ADD3: variants seen among roughly 807,000 people sequenced by gnomAD.
The protein encoded by ADD3 is gamma-adducin.
In ADD3, 25 loss-of-function variants were observed where a neutral mutation model predicts 80.2. That is an observed-to-expected ratio of 0.31 (90% confidence interval 0.23 to 0.44). The LOEUF is 0.44. Ranked by LOEUF, ADD3 falls within the 20% of genes least tolerant of loss-of-function variation. The pLI is 1.00. For missense variants in ADD3, 829 were observed against 847.5 expected (o/e 0.98, Z 0.27); for synonymous variants, 284 against 289.6 (o/e 0.98, Z 0.20).
intron 11 of ADD3, 145 bp downstream of exon 11, chr10:110,126,090 T>C (rs2134188861): frequency 2.5e-6 from 2 of 816,162 alleles, no homozygotes; most frequent in Non-Finnish European, 3.7e-6. Context: ...TTAGCTTATA[T>C]TGAATGCCTC....
chr10:110,034,929 G>C (rs745901832), intron 1 of ADD3, among the ~76,000 whole-genome samples: 1 of 152,154 alleles, frequency 6.6e-6, no homozygotes, highest in African/African-American at 2.4e-5. Context: ...AGATTAACCA[G>C]CCATGTTTCA....
intron 1 of ADD3, among the ~76,000 whole-genome samples, chr10:110,037,465 CGTG>C (rs1316261524): frequency 4.6e-5 from 7 of 151,794 alleles, no homozygotes; most frequent in African/African-American, 1.7e-4. Context: ...ACTAGCCAGG[CGTG>C]GTGGTGGGCA....
At chr10:110,013,128 AG>A (rs1852525546) in intron 1 of ADD3, among the ~76,000 whole-genome samples, 1 of 151,924 alleles carries the variant, frequency 6.6e-6, no homozygotes, top group Non-Finnish European at 1.5e-5. Flanking sequence ...TTTGAGATGG[AG>A]TCTCTCTCTG....
intron 13 of ADD3, 109 bp from the exon 14 acceptor site, chr10:110,132,196 T>TAG: frequency 1.4e-6 from 1 of 691,500 alleles, no homozygotes. Context: ...TGCTGAAGAA[T>TAG]TTATCATCTC....
intron 1 of ADD3, among the ~76,000 whole-genome samples, chr10:110,077,657 C>G (rs754813132): frequency 6.6e-6 from 1 of 152,130 alleles, no homozygotes; most frequent in South Asian, 2.1e-4. Flanking sequence ...AAGTTCTGTT[C>G]CATGCCTCAT....
rs182770037 is a variant in ADD3, at chr10:110,060,085, A to G, written c.-29-40540A>G. Among the ~76,000 whole-genome samples the G allele has an allele frequency of 1.2e-3, 183 of 152,288 alleles. 2 individuals carry two copies. In the South Asian group the frequency reaches 0.018, roughly 15 times the overall value. On this transcript the variant is annotated intron_variant, in intron 1 of 14. Transcript: ENST00000356080. ...ATAGAGTTGAGGCTTGGGAACATTT[A>G]TGTTTTTTAGACTGCGACTTCCTGT...
intron 1 of ADD3, among the ~76,000 whole-genome samples, chr10:110,083,341 C>T (rs1846302748): frequency 6.6e-6 from 1 of 151,932 alleles, no homozygotes; most frequent in Non-Finnish European, 1.5e-5. Context: ...ACGGTGAAAC[C>T]CCGTCTCTAC....
At chr10:110,091,270 A>AT (rs1847469183) in intron 1 of ADD3, among the ~76,000 whole-genome samples, 1 of 152,126 alleles carries the variant, frequency 6.6e-6, no homozygotes, top group African/African-American at 2.4e-5. Context: ...GCCATCTCAT[A>AT]TTTTTTGGCT....
chr10:110,064,574 A>T (rs1843675162), intron 1 of ADD3, among the ~76,000 whole-genome samples: 1 of 152,154 alleles, frequency 6.6e-6, no homozygotes, highest in South Asian at 2.1e-4. Context: ...CTAATAGAAA[A>T]ATTGGGTTAT....
In ADD3 at chr10:110,029,700, G is replaced by C. The variant is rs1854760481; in HGVS notation, c.-30+21401G>C. Among the ~76,000 whole-genome samples, 3 of 152,130 alleles carry C rather than the reference G, an allele frequency of 2.0e-5. No homozygotes were observed. In the South Asian group the frequency reaches 6.2e-4, roughly 31 times the overall value. ...GTTTTCTTGCCAGTAGCATCTGGTT[G>C]CACTTTATTTACTTTGAAAGTATTT... On this transcript the variant is annotated intron_variant, in intron 1 of 14. Coordinates refer to ENST00000356080, the MANE Select transcript of ADD3 (RefSeq NM_016824.5).
At chr10:110,019,175 T>TA (rs1253286581) in intron 1 of ADD3, among the ~76,000 whole-genome samples, 2 of 152,168 alleles carry the variant, frequency 1.3e-5, no homozygotes, top group African/African-American at 2.4e-5. Context: ...ATGGAGTTGA[T>TA]ACGAGATATG....
chr10:110,029,788 C>T (rs529188776), intron 1 of ADD3, among the ~76,000 whole-genome samples: 8 of 152,252 alleles, frequency 5.3e-5, no homozygotes, highest in Non-Finnish European at 8.8e-5. Context: ...AAGTTGCTTA[C>T]GGTTTAGTTG....
rs999832280 is a variant in ADD3 at position 110,008,266 on chromosome 10, G to T, written c.-63G>T. ...GCCCGGGCGGCTGCCGAGAAGGAGG[G>T]AGGGGAAACACAAAGCCGGCTACGC... is the stretch of plus-strand genomic sequence containing the variant. On this transcript the variant is annotated 5_prime_UTR_variant, in exon 1 of 15. Transcript: ENST00000356080. 1.3e-5 allele frequency: 2 copies of T among 152,296 alleles called. No homozygotes were observed. The highest frequency in any genetic ancestry group is 2.9e-5 in the Non-Finnish European group (2 of 68,126). The allele number at this position is 152,296 out of a possible 1,614,324, so 9.4% of individuals were successfully genotyped here. A position where few individuals can be genotyped will look rare whatever the true frequency, so the allele number is the denominator to read the frequency against.
rs1160912559 is a variant in ADD3 at position 110,126,433 on chromosome 10, G to T, written c.1538G>T (p.Arg513Leu). The T allele has an allele frequency of 6.2e-7, 1 of 1,613,244 alleles. No individual in the cohort carries two copies. Among genetic ancestry groups the T allele is most frequent in the East Asian group, 2.2e-5 (1 of 44,866 alleles). The change falls in exon 12 of 15, where the codon CGA becomes CTA. Residue 513 changes from arginine (R) to leucine (L), a missense_variant. By Grantham distance (102) the Arg-to-Leu change is moderately radical. Transcript: ENST00000356080. ...TCAATTCAGATTCGGGAACAAAATC[G>T]ATATGACTTGAAAACAGCAGGACCA... is the stretch of plus-strand genomic sequence containing the variant. ...EKRNKIREQN[R>L]YDLKTAGPQS...
chr10:110,068,451 A>C (rs1012758350), intron 1 of ADD3, among the ~76,000 whole-genome samples: 1 of 152,244 alleles, frequency 6.6e-6, no homozygotes, highest in African/African-American at 2.4e-5. Flanking sequence ...CATCATAAGT[A>C]ATCTAGAGAT....
chr10:110,107,611 G>A (rs1028613502), intron 2 of ADD3, among the ~76,000 whole-genome samples: 2 of 152,022 alleles, frequency 1.3e-5, no homozygotes, highest in Admixed American at 1.3e-4. Context: ...AAAAGTGTTT[G>A]TTTTGGATCT....
At chr10:110,052,399 T>G (rs1857619411) in intron 1 of ADD3, among the ~76,000 whole-genome samples, 1 of 152,118 alleles carries the variant, frequency 6.6e-6, no homozygotes, top group Admixed American at 6.5e-5. Context: ...CCACCTGAGC[T>G]CCACTTCCTA....
intron 14 of ADD3, among the ~76,000 whole-genome samples, chr10:110,132,981 C>G (rs1253445424): frequency 6.7e-6 from 1 of 150,062 alleles, no homozygotes; most frequent in Non-Finnish European, 1.5e-5. Flanking sequence ...CAATCAGCAG[C>G]ATGAAATCTT....
At chr10:110,003,373 T>A (rs768147474), upstream of ADD3, among the ~76,000 whole-genome samples, 15 of 151,200 alleles carry the variant, frequency 9.9e-5, no homozygotes, top group Non-Finnish European at 2.2e-4. Context: ...CTGTTTGCTT[T>A]CTGAAACAAC....
Sources: allele counts gnomAD v4.1 joint callset (sites outside exome capture counted in the v4.1 genomes callset), GRCh38; gene constraint gnomAD v4.1.1; transcripts MANE v1.5; gene names NCBI Gene and HGNC (gene_info 2026-07-23, HGNC 2026-07-21).